PIK3CA: variants seen among roughly 807,000 people sequenced by gnomAD.
The protein encoded by PIK3CA is phosphatidylinositol-4,5-bisphosphate 3-kinase catalytic subunit alpha.
PIK3CA carries 27 observed loss-of-function variants against 138.2 expected under a neutral mutation model. The observed-to-expected ratio is 0.20, with a 90% CI of 0.14 to 0.27. The LOEUF (loss-of-function observed/expected upper bound fraction) is 0.27. Among genes scored for constraint, PIK3CA ranks in the 10% least tolerant of loss-of-function variants. The probability of loss-of-function intolerance (pLI) is 1.00; values close to 1 mark genes in which losing one functional copy is unlikely to be tolerated. For missense variants in PIK3CA, 544 were observed against 1,277.4 expected (o/e 0.43, Z 8.75); for synonymous variants, 358 against 413.2 (o/e 0.87, Z 1.62).
chr3:179,187,621 A>G (rs949222874), intron 1 of PIK3CA, among the ~76,000 whole-genome samples: 2 of 150,098 alleles, frequency 1.3e-5, no homozygotes, highest in East Asian at 3.9e-4. Flanking sequence ...CTTTACATAT[A>G]CCATCTCATT....
chr3:179,229,277 T>C lies in PIK3CA; in HGVS notation c.2501T>C (p.Leu834Ser). 1 of 1,608,126 alleles carries C rather than the reference T, an allele frequency of 6.2e-7. No homozygotes were observed. The highest frequency in any genetic ancestry group is 2.2e-5 in the East Asian group (1 of 44,766). Residue 834 changes from leucine to serine, a missense_variant, in exon 18 of 21, where the codon TTA (leucine) becomes TCA (serine). By Grantham distance (145) the Leu-to-Ser change is moderately radical. Around this residue, in one of 14 missense-constraint regions of PIK3CA, gnomAD observed 72 missense variants for 271.8 expected, o/e 0.26. Transcript: ENST00000263967. ...WQNQGLDLRM[L>S]PYGCLSIGDC... The stretch of plus-strand genomic sequence containing the variant: ...ACGTGTTACTCCTCTTTCAGAATGT[T>C]ACCTTATGGTTGTCTGTCAATCGGT...
chr3:179,213,080 G>A (rs1437089953), intron 9 of PIK3CA, among the ~76,000 whole-genome samples: 1 of 152,078 alleles, frequency 6.6e-6, no homozygotes, highest in Non-Finnish European at 1.5e-5. Context: ...AAACAATAGT[G>A]AGCTAAGAAT....
At chr3:179,169,293 A>T (rs1380937871) in intron 1 of PIK3CA, 2 of 152,096 alleles carry the variant, frequency 1.3e-5, no homozygotes, top group Admixed American at 1.3e-4. Flanking sequence ...TTTTTTAAAC[A>T]TTAGAATCAG....
At chr3:179,202,047 G>T (rs1048167730) in intron 4 of PIK3CA, among the ~76,000 whole-genome samples, 2 of 152,100 alleles carry the variant, frequency 1.3e-5, no homozygotes, top group Non-Finnish European at 2.9e-5. Flanking sequence ...GATATTCCAT[G>T]GGGTTGTTGT....
intron 1 of PIK3CA, among the ~76,000 whole-genome samples, chr3:179,184,259 A>T (rs1430629127): frequency 6.6e-6 from 1 of 152,246 alleles, no homozygotes; most frequent in African/African-American, 2.4e-5. Context: ...TCACAGCAGC[A>T]CAGTCCAGAC....
At chr3:179,231,556 T>C (rs199908600) in intron 20 of PIK3CA, among the ~76,000 whole-genome samples, 1 of 101,342 alleles carries the variant, frequency 9.9e-6, no homozygotes, top group Non-Finnish European at 2.6e-5. Flanking sequence ...ATTAATGATG[T>C]TGAGCATTTT....
intron 1 of PIK3CA, among the ~76,000 whole-genome samples, chr3:179,187,090 C>CT (rs1252667827): frequency 6.6e-6 from 1 of 151,700 alleles, no homozygotes; most frequent in Non-Finnish European, 1.5e-5. Flanking sequence ...ACCAAATTTC[C>CT]TTTAAGTGTT....
chr3:179,155,996 C>T (rs557070545), intron 1 of PIK3CA, among the ~76,000 whole-genome samples: 28 of 152,264 alleles, frequency 1.8e-4, no homozygotes, highest in Non-Finnish European at 3.7e-4. Context: ...TAATACAACT[C>T]CCAAATGCTG....
At chr3:179,169,020 G>C (rs1276119125) in intron 1 of PIK3CA, 1 of 151,856 alleles carries the variant, frequency 6.6e-6, no homozygotes, top group Non-Finnish European at 1.5e-5. Context: ...AAACTTTTGA[G>C]ATGTTTATTT....
chr3:179,231,890 G>T (rs534015193), intron 20 of PIK3CA, among the ~76,000 whole-genome samples: 1 of 151,964 alleles, frequency 6.6e-6, no homozygotes, highest in African/African-American at 2.4e-5. Context: ...TGATCCACCC[G>T]CCTCAGCCTC....
chr3:179,208,920 G>C (rs1020318966), intron 6 of PIK3CA, among the ~76,000 whole-genome samples: 4 of 149,032 alleles, frequency 2.7e-5, no homozygotes, highest in Admixed American at 2.7e-4. Flanking sequence ...AATCATAATA[G>C]GAAATCTTAT....
At chr3:179,160,050 A>G (rs561959152) in intron 1 of PIK3CA, among the ~76,000 whole-genome samples, 3 of 152,306 alleles carry the variant, frequency 2.0e-5, no homozygotes, top group African/African-American at 7.2e-5. Flanking sequence ...GTGAGTGGTG[A>G]GTGAATGTGA....
At chr3:179,159,187 T>C (rs949493739) in intron 1 of PIK3CA, among the ~76,000 whole-genome samples, 1 of 152,206 alleles carries the variant, frequency 6.6e-6, no homozygotes, top group African/African-American at 2.4e-5. Flanking sequence ...GCTTCCAAGC[T>C]TTTTTGTACA....
chr3:179,192,206 A>G (rs1431683280), intron 1 of PIK3CA, among the ~76,000 whole-genome samples: 4 of 152,216 alleles, frequency 2.6e-5, no homozygotes, highest in African/African-American at 9.6e-5. Context: ...CAAAAATGAG[A>G]TGGTAAACTA....
chr3:179,162,356 C>T (rs192202791), intron 1 of PIK3CA, among the ~76,000 whole-genome samples: 2 of 152,134 alleles, frequency 1.3e-5, no homozygotes, highest in African/African-American at 2.4e-5. Flanking sequence ...TGTAGAGTCA[C>T]ACTCTGCCAC....
Position 179,211,487 on chromosome 3 carries a change from T to C in PIK3CA, c.1539+922T>C, listed in dbSNP as rs182541666. Reference sequence around the variant, plus strand: ...GAGTTCAAAACCAGCCTGGCAAACATGGTGAAATCCCGTCTCTACTAAAAA... The same window carrying C: ...GAGTTCAAAACCAGCCTGGCAAACACGGTGAAATCCCGTCTCTACTAAAAA... On this transcript the variant is annotated intron_variant, in intron 9 of 20. Transcript: ENST00000263967. 2.4e-3 allele frequency among the ~76,000 whole-genome samples: 364 copies of C among 151,994 alleles called. 2 individuals are homozygous for C. The highest frequency in any genetic ancestry group is 8.1e-3 in the African/African-American group (338 of 41,474).
chr3:179,203,868 T>C (rs1337646198), intron 5 of PIK3CA, 79 bp downstream of exon 5: 4 of 1,002,492 alleles, frequency 4.0e-6, no homozygotes, highest in Admixed American at 2.3e-5. Context: ...CAGTAATCTG[T>C]TGACCTGTAG....
chr3:179,219,869 T>C lies in PIK3CA; in HGVS notation c.1912-80T>C. 6.4e-7 allele frequency: 1 copy of C among 1,565,026 alleles called. No individual in the cohort carries two copies. Among genetic ancestry groups the C allele is most frequent in the Non-Finnish European group, 8.7e-7 (1 of 1,155,432 alleles). On this transcript the variant is annotated intron_variant, in intron 12 of 20. Transcript: ENST00000263967. The surrounding 1 kb of genome is among the most constrained non-coding windows in gnomAD (Gnocchi z 4.2). Reference sequence around the variant, plus strand: ...AAAAAAAAAATTATTACCAGTAATATCCACTTTCTTTCTGAAAAAATTTTC... The same window carrying C: ...AAAAAAAAAATTATTACCAGTAATACCCACTTTCTTTCTGAAAAAATTTTC...
In PIK3CA at chr3:179,209,830, T is replaced by C; in HGVS notation, c.1251+130T>C. On this transcript the variant is annotated intron_variant, in intron 7 of 20. Coordinates refer to ENST00000263967, the MANE Select transcript of PIK3CA (RefSeq NM_006218.4). ...ATAATAATAAACCTATTTTTAAAAT[T>C]TTAATAAATGTATCATGGAAGAATA... The C allele has an allele frequency of 6.4e-6, 3 of 471,850 alleles. No homozygotes were observed. The East Asian group carries it at 1.0e-4, about 16-fold the overall frequency. The allele number at this position is 471,850 out of a possible 1,614,324, so 29.2% of individuals were successfully genotyped here.
Sources: allele counts gnomAD v4.1 joint callset (sites outside exome capture counted in the v4.1 genomes callset), GRCh38; gene constraint gnomAD v4.1.1; regional missense constraint gnomAD v4.1.1; non-coding constraint Gnocchi (gnomAD v3.1); transcripts MANE v1.5; gene names NCBI Gene and HGNC (gene_info 2026-07-23, HGNC 2026-07-21).